The following SULF1 variants were observed in gnomAD, a reference collection of about 807,000 sequenced individuals.
The protein encoded by SULF1 is extracellular sulfatase Sulf-1.
SULF1 carries 46 observed loss-of-function variants against 110.5 expected under a neutral mutation model. The ratio of observed to expected loss-of-function variants is 0.42; its 90% CI spans 0.33 to 0.53. The LOEUF is 0.53. SULF1 is among the 20% of genes least tolerant of loss of function. SULF1 has a pLI of 0.12. For synonymous variants in SULF1, 371 were observed against 387.1 expected (o/e 0.96, Z 0.49); for missense variants, 941 against 1,094.2 (o/e 0.86, Z 1.98).
At chr8:69,530,571 C>T (rs1813011268) in intron 3 of SULF1, among the ~76,000 whole-genome samples, 1 of 152,142 alleles carries the variant, frequency 6.6e-6, no homozygotes, top group South Asian at 2.1e-4. Flanking sequence ...GATAAAATCA[C>T]CATCAAAACC....
intron 13 of SULF1, 109 bp from the exon 14 acceptor site, chr8:69,620,926 T>C: frequency 1.3e-6 from 1 of 797,306 alleles, no homozygotes; most frequent in Non-Finnish European, 1.9e-6. Flanking sequence ...CTTAATGATA[T>C]TGCCAGTGCT....
chr8:69,601,819 C>T lies in SULF1; in HGVS notation c.1051C>T (p.Pro351Ser). The T allele has an allele frequency of 1.2e-6, 2 of 1,609,614 alleles. No homozygotes were observed. The highest frequency in any genetic ancestry group is 1.7e-6 in the Non-Finnish European group (2 of 1,177,900). Residue 351 changes from proline (P) to serine (S), a missense_variant, in exon 10 of 23, where the codon CCA (proline) becomes TCA (serine). Pro to Ser is a moderately conservative substitution (Grantham distance 74). Coordinates refer to ENST00000402687, the MANE Select transcript of SULF1 (RefSeq NM_001128205.2). The part of the protein sequence containing the change: ...PFFIRGPSVE[P>S]GSIVPQIVLN... The stretch of plus-strand genomic sequence containing the variant: ...TTTTATTCGTGGTCCAAGTGTAGAA[C>T]CAGGATCAATGTACGTATTTCTCTG...
At chr8:69,466,785 G>A (rs1233109253) in exon 1 of SULF1, 1 of 152,382 alleles carries the variant, frequency 6.6e-6, no homozygotes, top group African/African-American at 2.4e-5. Context: ...GTTGGGGTTA[G>A]TGTGTGTCAT....
intron 3 of SULF1, among the ~76,000 whole-genome samples, chr8:69,506,211 T>C (rs1946937): frequency 0.8 from 121,578 of 151,896 alleles, 48,688 homozygotes; most frequent in East Asian, 0.89. Context: ...TGCTTTTTCT[T>C]TATAAGAGAG....
chr8:69,589,119 T>C lies in SULF1; in HGVS notation c.712T>C (p.Tyr238His), dbSNP rs1806682241. 6.2e-7 allele frequency: 1 copy of C among 1,614,000 alleles called. No homozygotes were observed. The highest frequency in any genetic ancestry group is 1.3e-5 in the African/African-American group (1 of 75,044). The change falls in exon 8 of 23, where the codon TAC (tyrosine) becomes CAC (histidine). Residue 238 changes from tyrosine to histidine, a missense_variant. Transcript: ENST00000402687. ...EDSAPQFSKL[Y>H]PNASQHITPS... ...CTCAGCCCCACAGTTTTCTAAACTG[T>C]ACCCCAATGCTTCCCAACACATGTA...
Position 69,594,002 on chromosome 8 carries a change from C to G in SULF1, c.734+4861C>G, listed in dbSNP as rs73683993. Among the ~76,000 whole-genome samples the G allele has an allele frequency of 1.3e-3, 199 of 152,252 alleles. 1 individual carries two copies. Among genetic ancestry groups the G allele is most frequent in the African/African-American group, 4.5e-3 (186 of 41,554 alleles). On this transcript the variant is annotated intron_variant, in intron 8 of 22. Coordinates refer to ENST00000402687, the MANE Select transcript of SULF1 (RefSeq NM_001128205.2). ...GGAAACTAAGGGACCTCCTTATCAC[C>G]CTTCTATGAACTATGCCCCTGTCAG...
chr8:69,517,540 G>A (rs761360236), intron 3 of SULF1, among the ~76,000 whole-genome samples: 3 of 152,100 alleles, frequency 2.0e-5, no homozygotes, highest in African/African-American at 7.2e-5. Context: ...GTAGGGAAAC[G>A]ATATAAGGTT....
intron 3 of SULF1, among the ~76,000 whole-genome samples, chr8:69,522,818 T>G (rs1812397994): frequency 6.6e-6 from 1 of 152,092 alleles, no homozygotes; most frequent in Admixed American, 6.5e-5. Context: ...ATCATTGGAT[T>G]TATCCATTGG....
At chr8:69,546,198 A>G (rs1280216186) in intron 3 of SULF1, among the ~76,000 whole-genome samples, 5 of 152,244 alleles carry the variant, frequency 3.3e-5, no homozygotes, top group Non-Finnish European at 5.9e-5. Context: ...GCATCACATC[A>G]TTTAGGACTC....
chr8:69,621,309 T>C, intron 14 of SULF1, 58 bp downstream of exon 14: 1 of 1,322,260 alleles, frequency 7.6e-7, no homozygotes, highest in Non-Finnish European at 1.0e-6. Flanking sequence ...GAATAAACAA[T>C]AGAGAGACGA....
chr8:69,578,294 A>G (rs928912206), intron 6 of SULF1, among the ~76,000 whole-genome samples: 13 of 152,190 alleles, frequency 8.5e-5, no homozygotes, highest in African/African-American at 2.9e-4. Context: ...TTACACCCAC[A>G]AGAATAAAGT....
chr8:69,511,418 TC>T (rs1161799977), intron 3 of SULF1, among the ~76,000 whole-genome samples: 6 of 152,174 alleles, frequency 3.9e-5, no homozygotes, highest in African/African-American at 1.4e-4. Flanking sequence ...ATTCAGTGGG[TC>T]CAGATTCTGA....
At chr8:69,512,501 T>C (rs1347976150) in intron 3 of SULF1, among the ~76,000 whole-genome samples, 3 of 152,224 alleles carry the variant, frequency 2.0e-5, no homozygotes, top group Non-Finnish European at 4.4e-5. Context: ...ACTTACCAGC[T>C]TGTGAATCTG....
At chr8:69,616,087 G>GTA (rs201965019) in intron 13 of SULF1, among the ~76,000 whole-genome samples, 24 of 132,428 alleles carry the variant, frequency 1.8e-4, no homozygotes, top group Admixed American at 4.3e-4. Flanking sequence ...TATATAATGT[G>GTA]TATATATATA....
intron 1 of SULF1, among the ~76,000 whole-genome samples, chr8:69,475,237 C>T (rs1809251883): frequency 6.6e-6 from 1 of 151,996 alleles, no homozygotes; most frequent in Non-Finnish European, 1.5e-5. Context: ...TGTCCTAACA[C>T]ATCAGGTAGA....
intron 3 of SULF1, among the ~76,000 whole-genome samples, chr8:69,525,390 G>A (rs1812588224): frequency 1.3e-5 from 2 of 152,146 alleles, no homozygotes; most frequent in Admixed American, 1.3e-4. Flanking sequence ...CCTGGAGTAA[G>A]TTTCCTTTTC....
intron 13 of SULF1, among the ~76,000 whole-genome samples, chr8:69,610,647 C>G (rs936434982): frequency 7.9e-5 from 12 of 152,210 alleles, no homozygotes; most frequent in African/African-American, 2.9e-4. Flanking sequence ...AACAGTTGTT[C>G]ATCTAATTAA....
intron 13 of SULF1, among the ~76,000 whole-genome samples, chr8:69,614,303 C>T (rs942942441): frequency 5.3e-5 from 8 of 152,110 alleles, no homozygotes; most frequent in East Asian, 1.9e-4. Flanking sequence ...TAAGCCACAC[C>T]GATGAGTAAA....
chr8:69,656,012 G>T (rs1812700354), intron 22 of SULF1, among the ~76,000 whole-genome samples: 1 of 152,218 alleles, frequency 6.6e-6, no homozygotes, highest in African/African-American at 2.4e-5. Flanking sequence ...GCCTCTGGAA[G>T]ATTGCTGAAG....
Sources: gnomAD v4.1 joint callset for allele counts (sites outside exome capture counted in the v4.1 genomes callset) on GRCh38, gnomAD v4.1.1 for gene constraint, MANE v1.5 for transcripts, NCBI Gene and HGNC (gene_info 2026-07-23, HGNC 2026-07-21) for gene names.